The following CACNA2D3 variants were observed in gnomAD, a reference collection of about 807,000 sequenced individuals.
CACNA2D3 encodes voltage-dependent calcium channel subunit alpha-2/delta-3.
In CACNA2D3, 60 loss-of-function variants were observed where a neutral mutation model predicts 160.6. That is an observed-to-expected ratio of 0.37 (90% confidence interval 0.30 to 0.46). CACNA2D3 has a LOEUF of 0.46. Ranked by LOEUF, CACNA2D3 falls within the 20% of genes least tolerant of loss-of-function variation. The pLI, the probability that CACNA2D3 is intolerant of heterozygous loss-of-function variation, is 1.00. For synonymous variants in CACNA2D3, 558 were observed against 492.9 expected, an observed-to-expected ratio of 1.13 and a Z score of -1.75; for missense variants, 1,205 against 1,365.0, an observed-to-expected ratio of 0.88 and a Z score of 1.85.
chr3:54,953,749 C>T (rs1206948624), intron 27 of CACNA2D3, among the ~76,000 whole-genome samples: 3 of 152,162 alleles, frequency 2.0e-5, no homozygotes, highest in African/African-American at 7.2e-5. Flanking sequence ...CCTGCCTCTG[C>T]TAGCTTGACA....
intron 26 of CACNA2D3, among the ~76,000 whole-genome samples, chr3:54,899,054 T>C (rs1465664724): frequency 6.6e-6 from 1 of 152,254 alleles, no homozygotes; most frequent in East Asian, 1.9e-4. Flanking sequence ...TTTTCCCTGC[T>C]TCTCAATTCA....
intron 29 of CACNA2D3, among the ~76,000 whole-genome samples, chr3:54,983,566 A>C (rs983200783): frequency 2.0e-5 from 3 of 152,080 alleles, no homozygotes; most frequent in African/African-American, 7.2e-5. Context: ...AGAGCAGCCA[A>C]CTCTTTTATA....
At chr3:54,276,446 G>A (rs1268209432) in intron 2 of CACNA2D3, among the ~76,000 whole-genome samples, 4 of 151,992 alleles carry the variant, frequency 2.6e-5, no homozygotes, top group Non-Finnish European at 4.4e-5. Context: ...GGTGGCATAC[G>A]CCTGTAATCT....
intron 27 of CACNA2D3, among the ~76,000 whole-genome samples, chr3:54,943,692 A>G (rs987567167): frequency 4.0e-5 from 6 of 151,854 alleles, no homozygotes; most frequent in Non-Finnish European, 5.9e-5. Context: ...TATTACTACT[A>G]TTTTCTAAAT....
chr3:54,893,540 T>G (rs1473995769), intron 25 of CACNA2D3, among the ~76,000 whole-genome samples: 5 of 152,164 alleles, frequency 3.3e-5, no homozygotes, highest in Non-Finnish European at 7.4e-5. Context: ...GGATACACTC[T>G]CTAAGCCAGG....
intron 11 of CACNA2D3, among the ~76,000 whole-genome samples, chr3:54,646,019 A>G (rs531847613): frequency 6.6e-6 from 1 of 152,020 alleles, no homozygotes; most frequent in South Asian, 2.1e-4. Context: ...CTTTTAACCA[A>G]TGGAATCTCG....
chr3:54,894,291 AG>A (rs1242794925), intron 25 of CACNA2D3, among the ~76,000 whole-genome samples: 2 of 152,138 alleles, frequency 1.3e-5, no homozygotes, highest in African/African-American at 4.8e-5. Flanking sequence ...AGAGGCCTCC[AG>A]GGTTTCCCGG....
chr3:54,718,961 T>C (rs1371221652), intron 11 of CACNA2D3, among the ~76,000 whole-genome samples: 2 of 151,968 alleles, frequency 1.3e-5, no homozygotes, highest in Non-Finnish European at 1.5e-5. Context: ...TATTTTCTAA[T>C]ATTTGAAAGC....
In CACNA2D3 at chr3:54,806,837, T is replaced by C. The variant is rs1481403812; in HGVS notation, c.1381-10016T>C. Among the ~76,000 whole-genome samples, 13 of 152,272 alleles carry C rather than the reference T, an allele frequency of 8.5e-5. No individual in the cohort carries two copies. The South Asian group carries it at 1.9e-3, about 22-fold the overall frequency. ...GGCTACAGTAACCAAAACAGCATGGTACTGATACCAAAACAGAGATATAGA... is the reference window on the plus strand; with the variant it reads ...GGCTACAGTAACCAAAACAGCATGGCACTGATACCAAAACAGAGATATAGA... On this transcript the variant is annotated intron_variant, in intron 13 of 37. Coordinates refer to ENST00000474759, the MANE Select transcript of CACNA2D3 (RefSeq NM_018398.3).
At chr3:54,449,146 A>G (rs1700265226) in intron 4 of CACNA2D3, among the ~76,000 whole-genome samples, 1 of 152,254 alleles carries the variant, frequency 6.6e-6, no homozygotes, top group African/African-American at 2.4e-5. Flanking sequence ...AGCTGGATCC[A>G]AGAATCAATA....
chr3:54,532,426 C>G (rs1337858878), intron 5 of CACNA2D3, among the ~76,000 whole-genome samples: 2 of 152,194 alleles, frequency 1.3e-5, no homozygotes, highest in African/African-American at 4.8e-5. Flanking sequence ...GAATAGTGTA[C>G]ATTATACCCA....
intron 9 of CACNA2D3, among the ~76,000 whole-genome samples, chr3:54,616,564 G>T (rs1448745648): frequency 2.6e-5 from 4 of 152,302 alleles, no homozygotes; most frequent in East Asian, 3.9e-4. Context: ...CCAACACAAG[G>T]GTCTGCGTAT....
chr3:54,856,437 C>T (rs115993077), intron 17 of CACNA2D3, among the ~76,000 whole-genome samples: 2,060 of 152,204 alleles, frequency 0.014, 50 homozygotes, highest in African/African-American at 0.047. Context: ...GGAACCCTTC[C>T]TCCCTTCCTT....
chr3:54,465,826 T>A (rs1427417132), intron 4 of CACNA2D3, among the ~76,000 whole-genome samples: 1 of 152,242 alleles, frequency 6.6e-6, no homozygotes, highest in Non-Finnish European at 1.5e-5. Context: ...TGGGTGGGCT[T>A]GGCTGATTTT....
At chr3:54,484,502 CT>C (rs1386299160) in intron 4 of CACNA2D3, among the ~76,000 whole-genome samples, 2 of 152,100 alleles carry the variant, frequency 1.3e-5, no homozygotes, top group Non-Finnish European at 2.9e-5. Context: ...ACATCATGAC[CT>C]TTTGTGATAT....
At chr3:54,830,857 C>T (rs954832000) in intron 14 of CACNA2D3, among the ~76,000 whole-genome samples, 5 of 152,100 alleles carry the variant, frequency 3.3e-5, no homozygotes, top group African/African-American at 9.7e-5. Context: ...GCAATTTACC[C>T]TAATGGCCAC....
chr3:54,899,784 A>G lies in CACNA2D3; in HGVS notation c.2369-4A>G, dbSNP rs1700284538. 2 of 1,602,608 alleles carry G rather than the reference A, an allele frequency of 1.2e-6. No homozygotes were observed. Among genetic ancestry groups the G allele is most frequent in the Non-Finnish European group, 1.7e-6 (2 of 1,173,266 alleles). On this transcript the variant is annotated splice_polypyrimidine_tract_variant and splice_region_variant and intron_variant, in intron 26 of 37. Coordinates refer to ENST00000474759, the MANE Select transcript of CACNA2D3 (RefSeq NM_018398.3). ...TTTTGTTGTGGTGTTTTTTCTTTTC[A>G]CAGGACCAGTCAATAAAAGCAATGT...
At chr3:54,768,653 G>C (rs578182000) in intron 13 of CACNA2D3, among the ~76,000 whole-genome samples, 1 of 152,206 alleles carries the variant, frequency 6.6e-6, no homozygotes, top group African/African-American at 2.4e-5. Flanking sequence ...TTTACATTCT[G>C]TGCCATAATC....
At chr3:55,066,812 C>A (rs1704651081) in intron 35 of CACNA2D3, among the ~76,000 whole-genome samples, 1 of 152,166 alleles carries the variant, frequency 6.6e-6, no homozygotes, top group African/African-American at 2.4e-5. Flanking sequence ...GAAACAACCG[C>A]TGTGATTCTC....
Sources: allele counts gnomAD v4.1 joint callset (sites outside exome capture counted in the v4.1 genomes callset), GRCh38; gene constraint gnomAD v4.1.1; transcripts MANE v1.5; gene names NCBI Gene and HGNC (gene_info 2026-07-23, HGNC 2026-07-21).